Variants in ATF7 observed in about 807,000 individuals in gnomAD.
The protein encoded by ATF7 is cyclic AMP-dependent transcription factor ATF-7.
In ATF7, 10 loss-of-function variants were observed where a neutral mutation model predicts 50.4. That is an observed-to-expected ratio of 0.20 (90% CI 0.12 to 0.34). ATF7 has a LOEUF of 0.34. ATF7 is among the 10% of genes least tolerant of loss of function. The pLI is 1.00. For missense variants in ATF7, 465 were observed against 613.9 expected (o/e 0.76, Z 2.56); for synonymous variants, 201 against 226.4 (o/e 0.89, Z 1.01).
At chr12:53,549,334 C>G (rs1466753162) in intron 3 of ATF7, among the ~76,000 whole-genome samples, 2 of 144,762 alleles carry the variant, frequency 1.4e-5, no homozygotes, top group African/African-American at 5.1e-5. Flanking sequence ...AAAAAAAAAA[C>G]AAATTCAAAC....
downstream of ATF7, chr12:53,507,861 G>A (rs1565905601): frequency 5.4e-6 from 1 of 186,372 alleles, no homozygotes. Context: ...AGAAACTCAT[G>A]TCAGGAGGGG....
At chr12:53,549,388 C>T (rs1940171747) in intron 3 of ATF7, among the ~76,000 whole-genome samples, 1 of 150,732 alleles carries the variant, frequency 6.6e-6, no homozygotes, top group African/African-American at 2.4e-5. Flanking sequence ...GCCTGAAAAT[C>T]CAGGTATAAA....
chr12:53,572,169 A>G (rs925795294), intron 2 of ATF7, among the ~76,000 whole-genome samples: 1 of 152,218 alleles, frequency 6.6e-6, no homozygotes, highest in Admixed American at 6.5e-5. Context: ...GGCTTGGCAT[A>G]TAAAGAGCTT....
chr12:53,525,916 A>T (rs784562), intron 9 of ATF7, among the ~76,000 whole-genome samples: 1 of 152,056 alleles, frequency 6.6e-6, no homozygotes, highest in South Asian at 2.1e-4. Flanking sequence ...TAAAAAAATA[A>T]GTTATACCGA....
rs759577252 is a variant in ATF7 at position 53,524,715 on chromosome 12, C to T, written c.974G>A (p.Arg325His). Residue 325 changes from arginine to histidine, a missense_variant, in exon 10 of 12, where the codon CGC becomes CAC. Arg to His is a conservative substitution (Grantham distance 29). Coordinates refer to ENST00000420353, the MANE Select transcript of ATF7 (RefSeq NM_006856.3). The surrounding 1 kb of genome is among the most constrained non-coding windows in gnomAD (Gnocchi z 4.6). ...PTPSTGGRRR[R>H]TVDEDPDERR... ...CTCATCTGGATCTTCATCTACTGTG[C>T]GCCGCCGTCGCCCCCCAGTACTAGG... 13 of 1,612,150 alleles carry T rather than the reference C, an allele frequency of 8.1e-6. No individual in the cohort carries two copies. Among genetic ancestry groups the T allele is most frequent in the South Asian group, 2.2e-5 (2 of 90,998 alleles).
chr12:53,568,320 C>T (rs1371749351), intron 2 of ATF7, among the ~76,000 whole-genome samples: 1 of 151,298 alleles, frequency 6.6e-6, no homozygotes, highest in Non-Finnish European at 1.5e-5. Context: ...GGGAGAGAAC[C>T]AATGAGCGTG....
chr12:53,612,746 G>A (rs906221195), intron 1 of ATF7, among the ~76,000 whole-genome samples: 2 of 152,152 alleles, frequency 1.3e-5, no homozygotes, highest in African/African-American at 4.8e-5. Flanking sequence ...GCTCTCGCCT[G>A]TAATCCCAGC....
At chr12:53,588,318 A>T (rs1294278108) in intron 2 of ATF7, among the ~76,000 whole-genome samples, 3 of 152,216 alleles carry the variant, frequency 2.0e-5, no homozygotes, top group African/African-American at 7.2e-5. Context: ...ATGAAGTCAA[A>T]GAAGGACAGG....
chr12:53,580,106 T>C (rs1307121936), intron 2 of ATF7, among the ~76,000 whole-genome samples: 1 of 151,808 alleles, frequency 6.6e-6, no homozygotes, highest in Non-Finnish European at 1.5e-5. Flanking sequence ...AATTTTTGTA[T>C]TTTTAGTAGA....
chr12:53,577,521 CT>C (rs1565971174), intron 2 of ATF7, among the ~76,000 whole-genome samples: 1 of 151,860 alleles, frequency 6.6e-6, no homozygotes, highest in Non-Finnish European at 1.5e-5. Context: ...TCGAGACCAT[CT>C]TGGCTAACAC....
chr12:53,530,908 C>G (rs1015049429), intron 9 of ATF7, among the ~76,000 whole-genome samples: 2 of 152,024 alleles, frequency 1.3e-5, no homozygotes, highest in African/African-American at 4.8e-5. Context: ...CTCACCCAGC[C>G]TATTTTTTGA....
In ATF7 at chr12:53,531,863, A is replaced by G; in HGVS notation, c.808T>C (p.Ser270Pro). ...LKATLTHQVSSINGGCGMVVG... is the reference protein window; with the variant it reads ...LKATLTHQVSPINGGCGMVVG... ...ACCATTCCACAACCACCATTGATTGAGGAGACTTGGTGAGTTAGGGTGGCT... is the reference window on the plus strand; with the variant it reads ...ACCATTCCACAACCACCATTGATTGGGGAGACTTGGTGAGTTAGGGTGGCT... The change falls in exon 9 of 12, where the codon TCA becomes CCA. Residue 270 changes from serine to proline, a missense_variant. Ser to Pro is a moderately conservative substitution (Grantham distance 74). Transcript: ENST00000420353. 1.2e-6 allele frequency: 2 copies of G among 1,613,756 alleles called. No individual in the cohort carries two copies. Among genetic ancestry groups the G allele is most frequent in the Non-Finnish European group, 1.7e-6 (2 of 1,179,852 alleles).
chr12:53,559,678 CAAAAA>C (rs34508161), intron 2 of ATF7, among the ~76,000 whole-genome samples: 2 of 85,200 alleles, frequency 2.3e-5, no homozygotes, highest in Non-Finnish European at 2.3e-5. Context: ...GACTCCATCT[CAAAAA>C]AAAAAAAAAA....
At position 53,586,410 on chromosome 12, in the gene ATF7, TAA is replaced by T. The variant is rs35090595; in HGVS notation, c.48+14541_48+14542del. On this transcript the variant is annotated intron_variant, in intron 2 of 11. Transcript: ENST00000420353. ...TTAATGTGCATAGATTGCCACCATG[TAA>T]AAAAAAAAAAAGATGTTCACTGAAG... 6.0e-4 allele frequency among the ~76,000 whole-genome samples: 88 copies of T among 147,566 alleles called. 1 individual carries two copies. The highest frequency in any genetic ancestry group is 1.1e-3 in the Admixed American group (16 of 14,864).
intron 2 of ATF7, among the ~76,000 whole-genome samples, chr12:53,569,983 A>G (rs984775264): frequency 2.0e-5 from 3 of 152,080 alleles, no homozygotes; most frequent in Non-Finnish European, 4.4e-5. Flanking sequence ...GGCCATTCAA[A>G]TATTTTTTAT....
intron 3 of ATF7, among the ~76,000 whole-genome samples, chr12:53,545,217 G>A (rs1467595293): frequency 6.6e-6 from 1 of 152,060 alleles, no homozygotes; most frequent in African/African-American, 2.4e-5. Flanking sequence ...TTTGCAGGTG[G>A]CCTCTAACTT....
rs374258603 is a variant in ATF7, at chr12:53,538,972, C to A, written c.265-1420G>T. Among the ~76,000 whole-genome samples, 188 of 152,208 alleles carry A rather than the reference C, an allele frequency of 1.2e-3. 5 individuals carry two copies. The South Asian group carries it at 0.037, about 30-fold the overall frequency. On this transcript the variant is annotated intron_variant, in intron 4 of 11. Transcript: ENST00000420353. ...GTCAGAGACTAGTGGGAAGGAGAAGCCTCTAAGTAAATACAACCATAGATT... is the reference window on the plus strand; with the variant it reads ...GTCAGAGACTAGTGGGAAGGAGAAGACTCTAAGTAAATACAACCATAGATT...
chr12:53,533,846 G>A (rs919829812), intron 6 of ATF7, among the ~76,000 whole-genome samples: 7 of 152,196 alleles, frequency 4.6e-5, no homozygotes, highest in Non-Finnish European at 8.8e-5. Flanking sequence ...GGACTGAGGA[G>A]ACTTAATGGG....
In ATF7 at chr12:53,514,833, A is replaced by G. The variant is rs1327830161; in HGVS notation, c.*2304T>C. 6.6e-6 allele frequency: 1 copy of G among 152,226 alleles called. No individual in the cohort carries two copies. The highest frequency in any genetic ancestry group is 2.4e-5 in the African/African-American group (1 of 41,458). The allele number at this position is 152,226 out of a possible 1,614,324, so 9.4% of individuals were successfully genotyped here. On this transcript the variant is annotated 3_prime_UTR_variant, in exon 12 of 12. Transcript: ENST00000420353. The stretch of plus-strand genomic sequence containing the variant: ...AAAAACACTTGACTGAAGGGGGAAG[A>G]AAAATAGTCAAGAGTCTTAGGAAAG...
Sources: allele counts gnomAD v4.1 joint callset (sites outside exome capture counted in the v4.1 genomes callset), GRCh38; gene constraint gnomAD v4.1.1; non-coding constraint Gnocchi (gnomAD v3.1); transcripts MANE v1.5; gene names NCBI Gene and HGNC (gene_info 2026-07-23, HGNC 2026-07-21).